SOCS4: variants seen among roughly 807,000 people sequenced by gnomAD.
SOCS4 encodes the protein suppressor of cytokine signaling 4, also known as SH2 domain containing SOCS box protein.
In SOCS4, 20 loss-of-function variants were observed where a neutral mutation model predicts 34.1. That is an observed-to-expected ratio of 0.59 (90% CI 0.41 to 0.85). The LOEUF is 0.85. SOCS4 is among the 40% of genes least tolerant of loss of function. The pLI, the probability that SOCS4 is intolerant of heterozygous loss-of-function variation, is 0.00. For synonymous variants in SOCS4, 180 were observed against 186.4 expected (o/e 0.97, Z 0.28); for missense variants, 479 against 532.4 (o/e 0.90, Z 0.99).
At chr14:55,030,374 A>G (rs1453223935) in intron 1 of SOCS4, among the ~76,000 whole-genome samples, 1 of 152,138 alleles carries the variant, frequency 6.6e-6, no homozygotes, top group Non-Finnish European at 1.5e-5. Flanking sequence ...ACTTTTTAAA[A>G]ATAATATATT....
At position 55,044,478 on chromosome 14, in the gene SOCS4, C is replaced by A. The variant is rs368033320; in HGVS notation, c.*114C>A. The A allele has an allele frequency of 9.2e-6, 7 of 763,892 alleles. No individual in the cohort carries two copies. Among genetic ancestry groups the A allele is most frequent in the East Asian group, 3.5e-5 (1 of 28,438 alleles). 47.3% of individuals were successfully genotyped at this position (763,892 alleles called of 1,614,324 possible). A position where few individuals can be genotyped will look rare whatever the true frequency, so the allele number is the denominator to read the frequency against. On this transcript the variant is annotated 3_prime_UTR_variant, in exon 3 of 3. Transcript: ENST00000555846. ...AAGGCAGTGGTGTCCAAAATAAAAT[C>A]TCTGCCCTAAATTTTACTAATAAAT...
intron 1 of SOCS4, among the ~76,000 whole-genome samples, chr14:55,028,725 A>G (rs1413753216): frequency 6.6e-6 from 1 of 152,232 alleles, no homozygotes; most frequent in East Asian, 1.9e-4. Flanking sequence ...CATTTGATTC[A>G]TAGGTTAAAG....
chr14:55,040,280 C>T (rs1365589968), intron 2 of SOCS4, among the ~76,000 whole-genome samples: 1 of 152,144 alleles, frequency 6.6e-6, no homozygotes, highest in Non-Finnish European at 1.5e-5. Context: ...GTTGTCTCTG[C>T]GTATCCAAGG....
chr14:55,032,313 A>G (rs2042535644), intron 2 of SOCS4, among the ~76,000 whole-genome samples: 2 of 152,212 alleles, frequency 1.3e-5, no homozygotes, highest in African/African-American at 4.8e-5. Flanking sequence ...TTGAATTAAA[A>G]TCACCTTCTC....
At chr14:55,030,306 T>A (rs1396976646) in intron 1 of SOCS4, among the ~76,000 whole-genome samples, 1 of 152,196 alleles carries the variant, frequency 6.6e-6, no homozygotes, top group Non-Finnish European at 1.5e-5. Context: ...CTGTTTCTAC[T>A]TAAATCTATT....
At chr14:55,027,612 T>C (rs2140239477) in intron 1 of SOCS4, 141 bp downstream of exon 1, 1 of 152,448 alleles carries the variant, frequency 6.6e-6, no homozygotes, top group Non-Finnish European at 1.5e-5. Flanking sequence ...AGCAGACAGA[T>C]CTTTGAGCAT....
chr14:55,031,474 CTT>C (rs748820788), intron 1 of SOCS4, among the ~76,000 whole-genome samples: 1 of 152,170 alleles, frequency 6.6e-6, no homozygotes, highest in Admixed American at 6.5e-5. Flanking sequence ...GCACTGTAAT[CTT>C]TGAGAGAAGA....
At chr14:55,038,978 T>C (rs2042595457) in intron 2 of SOCS4, among the ~76,000 whole-genome samples, 1 of 152,258 alleles carries the variant, frequency 6.6e-6, no homozygotes. Context: ...GTTCATTTCA[T>C]TGAAGAAGAG....
Position 55,043,356 on chromosome 14 carries a change from A to G in SOCS4, c.315A>G (p.Ile105Met). 1 of 1,614,242 alleles carries G rather than the reference A, an allele frequency of 6.2e-7. No individual in the cohort carries two copies. Among genetic ancestry groups the G allele is most frequent in the Non-Finnish European group, 8.5e-7 (1 of 1,180,032 alleles). Residue 105 changes from isoleucine (I) to methionine (M), a missense_variant, in exon 3 of 3, where the codon ATA becomes ATG. Physicochemically the swap from Ile to Met is conservative, Grantham distance 10 (BLOSUM62 1). Coordinates refer to ENST00000555846, the MANE Select transcript of SOCS4 (RefSeq NM_199421.2). ...LQDAVGQCFP[I>M]KNCSSRHSSG... The stretch of plus-strand genomic sequence containing the variant: ...ATGCCGTGGGGCAGTGTTTTCCAAT[A>G]AAGAATTGTAGTAGTCGGCACTCTT...
Position 55,045,851 on chromosome 14 carries a change from A to G in SOCS4, c.*1487A>G. 6.0e-6 allele frequency: 1 copy of G among 167,092 alleles called. No homozygotes were observed. 10.4% of individuals were successfully genotyped at this position (167,092 alleles called of 1,614,324 possible). A position where few individuals can be genotyped will look rare whatever the true frequency, so the allele number is the denominator to read the frequency against. On this transcript the variant is annotated 3_prime_UTR_variant, in exon 3 of 3. Coordinates refer to ENST00000555846, the MANE Select transcript of SOCS4 (RefSeq NM_199421.2). ...ACCTAGATTGAAAGAAATTTGACTC[A>G]TAAACTTCCAAGTTAGAACAAATAT...
At chr14:55,030,086 C>T (rs1378802674) in intron 1 of SOCS4, among the ~76,000 whole-genome samples, 2 of 152,098 alleles carry the variant, frequency 1.3e-5, no homozygotes, top group African/African-American at 4.8e-5. Context: ...AAATAGAACC[C>T]AGGTCTTTCA....
At chr14:55,030,497 C>G (rs74889539) in intron 1 of SOCS4, among the ~76,000 whole-genome samples, 2,290 of 152,182 alleles carry the variant, frequency 0.015, 51 homozygotes, top group Middle Eastern at 0.055. Context: ...TTACATATAG[C>G]CTTTGTTTCC....
At position 55,048,442 on chromosome 14, in the gene SOCS4, T is replaced by C. The variant is rs887150345; in HGVS notation, c.*4078T>C. ...ATGTAATGCCCAAGTGAATAAAAGA[T>C]TTTTCGTCAAGCAAACTACTGTTTC... On this transcript the variant is annotated 3_prime_UTR_variant, in exon 3 of 3. Coordinates refer to ENST00000555846, the MANE Select transcript of SOCS4 (RefSeq NM_199421.2). 6.0e-6 allele frequency: 1 copy of C among 167,010 alleles called. No homozygotes were observed. The highest frequency in any genetic ancestry group is 2.4e-5 in the African/African-American group (1 of 41,460). The allele number at this position is 167,010 out of a possible 1,614,324, so 10.3% of individuals were successfully genotyped here. A position where few individuals can be genotyped will look rare whatever the true frequency, so the allele number is the denominator to read the frequency against.
intron 1 of SOCS4, among the ~76,000 whole-genome samples, chr14:55,030,429 G>A (rs954964588): frequency 1.3e-5 from 2 of 151,994 alleles, no homozygotes; most frequent in Non-Finnish European, 2.9e-5. Context: ...TTTCAGAAAT[G>A]GAAGAGCCTC....
chr14:55,049,208 CAAG>C lies in SOCS4; in HGVS notation c.*4845_*4847del, dbSNP rs1195667122. On this transcript the variant is annotated 3_prime_UTR_variant, in exon 3 of 3. Transcript: ENST00000555846. ...GACTTGAGAGCCATGGTGTAAAACT[CAAG>C]GAGGTTTATTTAAATTATGCTGACT... 6 of 166,950 alleles carry C rather than the reference CAAG, an allele frequency of 3.6e-5. No individual in the cohort carries two copies. The highest frequency in any genetic ancestry group is 1.4e-4 in the African/African-American group (6 of 41,440). The allele number at this position is 166,950 out of a possible 1,614,324, so 10.3% of individuals were successfully genotyped here. A position where few individuals can be genotyped will look rare whatever the true frequency, so the allele number is the denominator to read the frequency against.
Position 55,043,558 on chromosome 14 carries a change from G to A in SOCS4, c.517G>A (p.Asp173Asn), listed in dbSNP as rs761781708. 1.1e-4 allele frequency: 171 copies of A among 1,614,026 alleles called. 2 individuals carry two copies. In the South Asian group the frequency reaches 1.8e-3, roughly 17 times the overall value. ...STDLSQTELR[D>N]GQLKRRNMEE... ...AGACTTGTCTCAGACTGAATTGAGG[G>A]ATGGTCAGCTAAAACGAAGAAATAT... The change falls in exon 3 of 3, where the codon GAT becomes AAT. Residue 173 changes from aspartate (D) to asparagine (N), a missense_variant. By Grantham distance (23) the Asp-to-Asn change is conservative. Transcript: ENST00000555846.
At chr14:55,042,077 C>T (rs1268091633) in intron 2 of SOCS4, among the ~76,000 whole-genome samples, 1 of 152,054 alleles carries the variant, frequency 6.6e-6, no homozygotes, top group African/African-American at 2.4e-5. Context: ...GTATTACCAC[C>T]TCCCCTGGCA....
rs1302200706 is a variant in SOCS4 at position 55,046,302 on chromosome 14, A to C, written c.*1938A>C. 1 of 166,896 alleles carries C rather than the reference A, an allele frequency of 6.0e-6. No individual in the cohort carries two copies. Among genetic ancestry groups the C allele is most frequent in the Non-Finnish European group, 1.5e-5 (1 of 68,026 alleles). 10.3% of individuals were successfully genotyped at this position (166,896 alleles called of 1,614,324 possible). A position where few individuals can be genotyped will look rare whatever the true frequency, so the allele number is the denominator to read the frequency against. ...CCTAAATATCCATCTTTGGTGAAAG[A>C]AAATAGTGTGGTAAGAGTACCCATG... On this transcript the variant is annotated 3_prime_UTR_variant, in exon 3 of 3. Coordinates refer to ENST00000555846, the MANE Select transcript of SOCS4 (RefSeq NM_199421.2).
chr14:55,036,622 G>A (rs1254618346), intron 2 of SOCS4, among the ~76,000 whole-genome samples: 2 of 152,022 alleles, frequency 1.3e-5, no homozygotes, highest in Non-Finnish European at 2.9e-5. Context: ...GGGATTACAG[G>A]CTTGAGCCAC....
Sources: gnomAD v4.1 joint callset for allele counts (sites outside exome capture counted in the v4.1 genomes callset) on GRCh38, gnomAD v4.1.1 for gene constraint, MANE v1.5 for transcripts, NCBI Gene and HGNC (gene_info 2026-07-23, HGNC 2026-07-21) for gene names.